The following SHPK variants were observed in gnomAD, a reference collection of about 807,000 sequenced individuals.
SHPK encodes sedoheptulokinase.
SHPK carries 51 observed loss-of-function variants against 46.3 expected under a neutral mutation model. The ratio of observed to expected loss-of-function variants is 1.10; its 90% confidence interval spans 0.88 to 1.39. The LOEUF is 1.39. Among genes scored for constraint, SHPK ranks in the 40% most tolerant of loss-of-function variants. The pLI, the probability that SHPK is intolerant of heterozygous loss-of-function variation, is 0.00. For synonymous variants in SHPK, 290 were observed against 273.9 expected, an observed-to-expected ratio of 1.06 and a Z score of -0.58; for missense variants, 668 against 641.3, an observed-to-expected ratio of 1.04 and a Z score of -0.45.
At chr17:3,625,741 G>A (rs1477166728) in intron 2 of SHPK, among the ~76,000 whole-genome samples, 1 of 152,162 alleles carries the variant, frequency 6.6e-6, no homozygotes, top group Non-Finnish European at 1.5e-5. Context: ...AGTTTGTTGT[G>A]CCGCAATAGG....
rs371958939 is a variant in SHPK at position 3,631,512 on chromosome 17, C to CTTTTTTTTTTTTTTTTTT, written c.169-1184_169-1167dup. On this transcript the variant is annotated intron_variant, in intron 1 of 6. Coordinates refer to ENST00000225519, the MANE Select transcript of SHPK (RefSeq NM_013276.4). ...AAAATATACACTATCTAATTTAATG[C>CTTTTTTTTTTTTTTTTTT]TTTTTTTTTTTTTTTTTTTTTTTTT... Among the ~76,000 whole-genome samples, 7 of 53,052 alleles carry CTTTTTTTTTTTTTTTTTT rather than the reference C, an allele frequency of 1.3e-4. 2 individuals are homozygous for CTTTTTTTTTTTTTTTTTT. The highest frequency in any genetic ancestry group is 6.2e-4 in the African/African-American group (7 of 11,294). 34.8% of individuals were successfully genotyped at this position (53,052 alleles called of 152,430 possible). A position where few individuals can be genotyped will look rare whatever the true frequency, so the allele number is the denominator to read the frequency against.
chr17:3,621,937 C>A (rs224508), intron 4 of SHPK, among the ~76,000 whole-genome samples: 1 of 151,526 alleles, frequency 6.6e-6, no homozygotes, highest in East Asian at 1.9e-4. Context: ...ACAGGCGCGA[C>A]CCACCACACC....
At chr17:3,635,129 G>A (rs1261511245) in intron 1 of SHPK, among the ~76,000 whole-genome samples, 3 of 150,218 alleles carry the variant, frequency 2.0e-5, no homozygotes, top group African/African-American at 7.3e-5. Context: ...CCCAGATCAC[G>A]CCACTGTACT....
chr17:3,633,977 T>C (rs375852074), intron 1 of SHPK, among the ~76,000 whole-genome samples: 4 of 149,588 alleles, frequency 2.7e-5, no homozygotes, highest in African/African-American at 9.9e-5. Flanking sequence ...CCCCCAACCC[T>C]GTGCTCTCTC....
chr17:3,623,884 C>T (rs1461825147), intron 3 of SHPK, among the ~76,000 whole-genome samples, 164 bp downstream of exon 3: 7 of 152,222 alleles, frequency 4.6e-5, no homozygotes, highest in African/African-American at 1.2e-4. Context: ...TGCAAAAGGA[C>T]GTGGTTCTGG....
At chr17:3,619,777 A>G (rs1326581280) in intron 5 of SHPK, 1 of 434,738 alleles carries the variant, frequency 2.3e-6, no homozygotes, top group Non-Finnish European at 4.5e-6. Context: ...TGTAGATGGC[A>G]TCTCTCTCTC....
intron 1 of SHPK, among the ~76,000 whole-genome samples, chr17:3,631,134 A>G (rs2075468855): frequency 6.6e-6 from 1 of 151,994 alleles, no homozygotes; most frequent in Admixed American, 6.6e-5. Context: ...CAAAGAAGAG[A>G]AAGAAGGGAG....
rs138803158 is a variant in SHPK, at chr17:3,614,043, G to A, written c.1024+1294C>T. Among the ~76,000 whole-genome samples, 1,082 of 152,294 alleles carry A rather than the reference G, an allele frequency of 7.1e-3. 27 individuals carry two copies. The highest frequency in any genetic ancestry group is 0.044 in the Middle Eastern group (13 of 294). On this transcript the variant is annotated intron_variant, in intron 6 of 6. Coordinates refer to ENST00000225519, the MANE Select transcript of SHPK (RefSeq NM_013276.4). The stretch of plus-strand genomic sequence containing the variant: ...CTCCCCCAGTCTATTTAGTGAGGAC[G>A]AATGGAGGCGAAAGCTGCTATGAGC...
intron 1 of SHPK, among the ~76,000 whole-genome samples, chr17:3,633,826 A>G (rs1039255591): frequency 3.3e-5 from 5 of 152,148 alleles, no homozygotes; most frequent in South Asian, 2.1e-4. Context: ...GGAATAGAAA[A>G]GGGGGAAAGG....
intron 5 of SHPK, 36 bp downstream of exon 5, chr17:3,621,199 CAG>C (rs759212440): frequency 8.5e-6 from 13 of 1,527,218 alleles, no homozygotes; most frequent in Non-Finnish European, 1.1e-5. Context: ...AGGCAGGCGA[CAG>C]TGTAAGTCTG....
chr17:3,630,088 C>CAAGACCCATT lies in SHPK; in HGVS notation c.310+116_310+117insAATGGGTCTT, dbSNP rs766588355. 305 of 1,314,438 alleles carry CAAGACCCATT rather than the reference C, an allele frequency of 2.3e-4. 1 individual carries two copies. Among genetic ancestry groups the CAAGACCCATT allele is most frequent in the Admixed American group, 6.9e-4 (40 of 58,320 alleles). The allele number at this position is 1,314,438 out of a possible 1,614,324, so 81.4% of individuals were successfully genotyped here. The stretch of plus-strand genomic sequence containing the variant: ...GCACGTATTCGTCCACTCCAAGAAA[C>CAAGACCCATT]AAGACCCTATTCCCACTGCAGGATA... On this transcript the variant is annotated intron_variant, in intron 2 of 6. Coordinates refer to ENST00000225519, the MANE Select transcript of SHPK (RefSeq NM_013276.4).
At chr17:3,616,121 G>A (rs977452439) in intron 5 of SHPK, among the ~76,000 whole-genome samples, 2 of 152,078 alleles carry the variant, frequency 1.3e-5, no homozygotes, top group Admixed American at 6.6e-5. Flanking sequence ...CAAAGTGTTC[G>A]GATTACAGGT....
chr17:3,613,374 C>A (rs189518681), intron 6 of SHPK, among the ~76,000 whole-genome samples: 164 of 152,290 alleles, frequency 1.1e-3, no homozygotes, highest in African/African-American at 3.8e-3. Context: ...TAGAGAGTCA[C>A]TGAGGAGTCA....
chr17:3,621,378 G>C lies in SHPK; in HGVS notation c.682C>G (p.Pro228Ala), dbSNP rs746380022. ...RSSGFPVHLL[P>A]DIAEPGSVAG... is the part of the protein sequence containing the mutation. ...ACACTGCCAGGCTCGGCGATGTCTGGGAGCAGGTGGACAGGAAAACCCGAG... is the reference window on the plus strand; with the variant it reads ...ACACTGCCAGGCTCGGCGATGTCTGCGAGCAGGTGGACAGGAAAACCCGAG... The change falls in exon 5 of 7, where the codon CCA (proline) becomes GCA (alanine). Residue 228 changes from proline (P) to alanine (A), a missense_variant. Coordinates refer to ENST00000225519, the MANE Select transcript of SHPK (RefSeq NM_013276.4). 4 of 1,614,088 alleles carry C rather than the reference G, an allele frequency of 2.5e-6. No homozygotes were observed. Among genetic ancestry groups the C allele is most frequent in the South Asian group, 2.2e-5 (2 of 91,084 alleles).
intron 1 of SHPK, among the ~76,000 whole-genome samples, chr17:3,633,298 T>C (rs554448373): frequency 7.8e-4 from 118 of 151,694 alleles, no homozygotes; most frequent in African/African-American, 2.7e-3. Context: ...TGACTATAGA[T>C]CACTGGTTCC....
At chr17:3,630,478 G>A in intron 1 of SHPK, 132 bp from the exon 2 acceptor site, 1 of 942,860 alleles carries the variant, frequency 1.1e-6, no homozygotes. Flanking sequence ...TTGAGGCACT[G>A]CTGCAGGTGA....
At chr17:3,634,471 CTG>C (rs2075493391) in intron 1 of SHPK, among the ~76,000 whole-genome samples, 1 of 149,100 alleles carries the variant, frequency 6.7e-6, no homozygotes, top group Non-Finnish European at 1.5e-5. Flanking sequence ...ACTCGGGAAA[CTG>C]AGGCACGAAA....
chr17:3,635,166 G>A (rs144613952), intron 1 of SHPK, among the ~76,000 whole-genome samples: 3 of 135,442 alleles, frequency 2.2e-5, no homozygotes, highest in African/African-American at 8.2e-5. Context: ...AGCGAGACTT[G>A]GTAAGAAAGA....
chr17:3,621,533 C>T lies in SHPK; in HGVS notation c.648-121G>A, dbSNP rs748110402. The T allele has an allele frequency of 5.7e-4, 464 of 809,470 alleles. 2 individuals carry two copies. Among genetic ancestry groups the T allele is most frequent in the Non-Finnish European group, 7.3e-4 (384 of 529,334 alleles). 50.1% of individuals were successfully genotyped at this position (809,470 alleles called of 1,614,324 possible). ...CTCCCTCCCTTCTTCCTTTCCTTTCCTCCCTCCCTCCCTTCTCTTTACTCC... is the reference window on the plus strand; with the variant it reads ...CTCCCTCCCTTCTTCCTTTCCTTTCTTCCCTCCCTCCCTTCTCTTTACTCC... On this transcript the variant is annotated intron_variant, in intron 4 of 6. Coordinates refer to ENST00000225519, the MANE Select transcript of SHPK (RefSeq NM_013276.4).
Sources: gnomAD v4.1 joint callset for allele counts (sites outside exome capture counted in the v4.1 genomes callset) on GRCh38, gnomAD v4.1.1 for gene constraint, MANE v1.5 for transcripts, NCBI Gene and HGNC (gene_info 2026-07-23, HGNC 2026-07-21) for gene names.